Variants in ZNF362 observed in about 807,000 individuals in gnomAD.
ZNF362 encodes the protein zinc finger protein 362.
ZNF362 carries 11 observed loss-of-function variants against 42.9 expected under a neutral mutation model. That is an observed-to-expected ratio of 0.26 (90% confidence interval 0.16 to 0.42). The LOEUF (loss-of-function observed/expected upper bound fraction) is 0.42, where lower values mean the gene tolerates loss of function less well. Ranked by LOEUF, ZNF362 falls within the 20% of genes least tolerant of loss-of-function variation. The probability of loss-of-function intolerance (pLI) is 1.00; values close to 1 mark genes in which losing one functional copy is unlikely to be tolerated. For synonymous variants in ZNF362, 255 were observed against 257.3 expected (o/e 0.99, Z 0.09); for missense variants, 362 against 576.2 (o/e 0.63, Z 3.81).
the ZNF362 span, among the ~76,000 whole-genome samples, chr1:33,213,881 A>C: frequency 0.7 from 105,372 of 149,900 alleles, 37,527 homozygotes; most frequent in Non-Finnish European, 0.76. Context: ...ACAAAACAAA[A>C]AAAACAAAAC....
the ZNF362 span, chr1:33,165,461 C>T: frequency 1.0e-5 from 16 of 1,587,196 alleles, no homozygotes; most frequent in Non-Finnish European, 1.4e-5. The surrounding 1 kb of genome is among the most constrained non-coding windows in gnomAD (Gnocchi z 4.0). Context: ...CGCGCCCCGG[C>T]CAGGCTCACC....
chr1:33,168,664 C>T, the ZNF362 span, among the ~76,000 whole-genome samples: 3 of 152,202 alleles, frequency 2.0e-5, no homozygotes, highest in Non-Finnish European at 4.4e-5. Context: ...TCCTAACATT[C>T]GTGTGCAGCT....
the ZNF362 span, among the ~76,000 whole-genome samples, chr1:33,226,716 T>G: frequency 6.6e-6 from 1 of 152,102 alleles, no homozygotes; most frequent in African/African-American, 2.4e-5. Context: ...AATACAAATA[T>G]TAGCTGGGCA....
At chr1:33,206,437 A>C in the ZNF362 span, among the ~76,000 whole-genome samples, 1 of 152,162 alleles carries the variant, frequency 6.6e-6, no homozygotes, top group Non-Finnish European at 1.5e-5. Context: ...TTTGTAATTC[A>C]AAAGAATCTA....
the ZNF362 span, among the ~76,000 whole-genome samples, chr1:33,238,293 C>A: frequency 3.0e-5 from 4 of 135,040 alleles, no homozygotes; most frequent in African/African-American, 1.1e-4. Context: ...CACGCCAGCC[C>A]GGGTGACAGT....
At chr1:33,145,368 CTG>C in the ZNF362 span, 1 of 157,652 alleles carries the variant, frequency 6.3e-6, no homozygotes, top group Non-Finnish European at 1.4e-5. Flanking sequence ...CTGGGTGGGC[CTG>C]TGTGTTTGTC....
At chr1:33,223,384 G>A in the ZNF362 span, among the ~76,000 whole-genome samples, 10 of 152,216 alleles carry the variant, frequency 6.6e-5, no homozygotes, top group Non-Finnish European at 1.5e-4. Flanking sequence ...ACGTGGAACT[G>A]TAAGTCCAAT....
the ZNF362 span, among the ~76,000 whole-genome samples, chr1:33,157,180 G>A: frequency 3.3e-5 from 5 of 152,086 alleles, no homozygotes; most frequent in African/African-American, 9.7e-5. Context: ...ACAGACCCTC[G>A]TGGTGTCTGG....
chr1:33,237,805 T>C, the ZNF362 span, among the ~76,000 whole-genome samples: 3 of 152,172 alleles, frequency 2.0e-5, no homozygotes, highest in Non-Finnish European at 2.9e-5. Context: ...TTTCTCTTTC[T>C]TTACTCCGTC....
At chr1:33,133,278 C>A in the ZNF362 span, among the ~76,000 whole-genome samples, 1 of 152,252 alleles carries the variant, frequency 6.6e-6, no homozygotes, top group African/African-American at 2.4e-5. Context: ...TCCAGCTAAG[C>A]ACATTGTCCC....
intron 2 of ZNF362, chr1:33,275,479 C>G (rs1320024765): frequency 1.3e-6 from 1 of 762,356 alleles, no homozygotes; most frequent in South Asian, 5.9e-5. Context: ...AACAACCACA[C>G]GTGGCCTGTT....
At chr1:33,172,781 C>T in the ZNF362 span, among the ~76,000 whole-genome samples, 2 of 152,178 alleles carry the variant, frequency 1.3e-5, no homozygotes. Flanking sequence ...GAGGCCATCC[C>T]TCCCTCTGGT....
the ZNF362 span, among the ~76,000 whole-genome samples, chr1:33,222,783 C>T: frequency 1.3e-5 from 2 of 152,170 alleles, no homozygotes; most frequent in African/African-American, 4.8e-5. Flanking sequence ...TCATAGAGGC[C>T]TTCTTTGAGT....
At chr1:33,290,359 C>G (rs1367992493) in intron 6 of ZNF362, among the ~76,000 whole-genome samples, 1 of 151,692 alleles carries the variant, frequency 6.6e-6, no homozygotes, top group Non-Finnish European at 1.5e-5. Context: ...TGATGGTTTC[C>G]AGCTTCATCC....
intron 6 of ZNF362, among the ~76,000 whole-genome samples, chr1:33,285,789 G>A (rs2148119022): frequency 1.3e-5 from 2 of 152,346 alleles, no homozygotes; most frequent in South Asian, 4.1e-4. Context: ...TAGGCCGGGT[G>A]CCATGGCTCA....
the ZNF362 span, among the ~76,000 whole-genome samples, chr1:33,193,314 C>T: frequency 6.6e-6 from 1 of 152,092 alleles, no homozygotes; most frequent in Non-Finnish European, 1.5e-5. Context: ...TTTGGGGGAA[C>T]CCTAGCTAAG....
At chr1:33,284,804 A>G (rs1207470693) in intron 6 of ZNF362, among the ~76,000 whole-genome samples, 1 of 152,180 alleles carries the variant, frequency 6.6e-6, no homozygotes, top group South Asian at 2.1e-4. Flanking sequence ...AGTCCTGGGG[A>G]AAAATTCCTG....
chr1:33,196,384 ACAAACAAACAAG>A, the ZNF362 span: 2 of 152,350 alleles, frequency 1.3e-5, no homozygotes, highest in African/African-American at 2.4e-5. Context: ...CATCTCAAAA[ACAAACAAACAAG>A]CAAACAAACA....
At chr1:33,242,070 C>T in the ZNF362 span, among the ~76,000 whole-genome samples, 2 of 152,178 alleles carry the variant, frequency 1.3e-5, no homozygotes, top group African/African-American at 2.4e-5. Flanking sequence ...CCGGGAAAGG[C>T]GATGAGGAGG....
Sources: allele counts gnomAD v4.1 joint callset (sites outside exome capture counted in the v4.1 genomes callset), GRCh38; gene constraint gnomAD v4.1.1; non-coding constraint Gnocchi (gnomAD v3.1); transcripts MANE v1.5; gene names NCBI Gene and HGNC (gene_info 2026-07-23, HGNC 2026-07-21).